The following GCNT2 variants were observed in gnomAD, a reference collection of about 807,000 sequenced individuals.
The protein encoded by GCNT2 is N-acetyllactosaminide beta-1,6-N-acetylglucosaminyl-transferase.
In GCNT2, 34 loss-of-function variants were observed where a neutral mutation model predicts 34.2. That is an observed-to-expected ratio of 1.00 (90% CI 0.76 to 1.32). The LOEUF (loss-of-function observed/expected upper bound fraction) is 1.32, where lower values mean the gene tolerates loss of function less well. GCNT2 is among the 40% of genes most tolerant of loss of function. The pLI is 0.00. For missense variants in GCNT2, 584 were observed against 489.4 expected (o/e 1.19, Z -1.82); for synonymous variants, 212 against 188.0 (o/e 1.13, Z -1.04).
intron 3 of GCNT2, among the ~76,000 whole-genome samples, chr6:10,593,466 T>G (rs1302498138): frequency 6.6e-6 from 1 of 152,184 alleles, no homozygotes; most frequent in African/African-American, 2.4e-5. Flanking sequence ...GGCTGCCAAG[T>G]AGCAAGGACT....
At chr6:10,599,517 A>G (rs1303159717) in intron 3 of GCNT2, among the ~76,000 whole-genome samples, 4 of 152,134 alleles carry the variant, frequency 2.6e-5, no homozygotes, top group Admixed American at 6.5e-5. Context: ...AGCGGAGGTA[A>G]GAGCAGGAGA....
At chr6:10,556,810 A>C in intron 3 of GCNT2, 1 of 1,614,216 alleles carries the variant, frequency 6.2e-7, no homozygotes, top group Non-Finnish European at 8.5e-7. Flanking sequence ...TGGATGAAAA[A>C]GCAACAACTG....
intron 1 of GCNT2, among the ~76,000 whole-genome samples, chr6:10,522,252 T>A (rs1460616206): frequency 1.3e-5 from 2 of 152,146 alleles, no homozygotes; most frequent in Non-Finnish European, 2.9e-5. Context: ...ATGAACCTCA[T>A]TTGATAATAG....
At chr6:10,622,251 C>T (rs947666038) in intron 4 of GCNT2, among the ~76,000 whole-genome samples, 8 of 152,142 alleles carry the variant, frequency 5.3e-5, no homozygotes, top group African/African-American at 1.9e-4. Flanking sequence ...ATATACTGGG[C>T]ATGAGTATTA....
Position 10,529,071 on chromosome 6 carries a change from G to C in GCNT2, c.160G>C (p.Glu54Gln), listed in dbSNP as rs1309424916. The change falls in exon 3 of 5, where the codon GAG becomes CAG. Residue 54 changes from glutamate to glutamine, a missense_variant. Physicochemically the swap from Glu to Gln is conservative, Grantham distance 29. Coordinates refer to ENST00000495262, the MANE Select transcript of GCNT2 (RefSeq NM_145649.5). ...LLAEACHQIF[E>Q]GKVFYPTENA... ...AGCAGAAGCCTGTCATCAGATTTTT[G>C]AGGGGAAAGTTTTTTACCCAACAGA... 6.2e-7 allele frequency: 1 copy of C among 1,614,108 alleles called. No homozygotes were observed. Among genetic ancestry groups the C allele is most frequent in the East Asian group, 2.2e-5 (1 of 44,886 alleles).
chr6:10,623,747 C>G (rs1477500371), intron 4 of GCNT2, among the ~76,000 whole-genome samples: 1 of 152,196 alleles, frequency 6.6e-6, no homozygotes, highest in African/African-American at 2.4e-5. Context: ...AGCTCCAAGA[C>G]AGCTAGGATT....
At chr6:10,531,497 A>G (rs1300777435) in intron 3 of GCNT2, among the ~76,000 whole-genome samples, 2 of 152,170 alleles carry the variant, frequency 1.3e-5, no homozygotes, top group East Asian at 1.9e-4. Context: ...AGACCTAACT[A>G]TTGATATTTG....
chr6:10,622,553 T>C (rs1479384734), intron 4 of GCNT2, among the ~76,000 whole-genome samples: 1 of 151,958 alleles, frequency 6.6e-6, no homozygotes. Flanking sequence ...CTGTCTCCAC[T>C]CTGAGACACT....
intron 3 of GCNT2, among the ~76,000 whole-genome samples, chr6:10,563,777 A>AAT (rs70991026): frequency 6.8e-3 from 167 of 24,714 alleles, no homozygotes; most frequent in East Asian, 0.011. Flanking sequence ...AAAAAAAAAA[A>AAT]ATATATATAT....
intron 3 of GCNT2, among the ~76,000 whole-genome samples, chr6:10,588,839 GGTGT>G (rs1399917722): frequency 7.0e-6 from 1 of 142,760 alleles, no homozygotes; most frequent in Non-Finnish European, 1.5e-5. Context: ...GTATGTGTGT[GGTGT>G]GTGTGTGGTG....
At chr6:10,585,427 G>A (rs1289807972) in intron 3 of GCNT2, among the ~76,000 whole-genome samples, 1 of 152,158 alleles carries the variant, frequency 6.6e-6, no homozygotes, top group Non-Finnish European at 1.5e-5. Flanking sequence ...CAGAGAACAG[G>A]AAGAGAAAGA....
intron 3 of GCNT2, among the ~76,000 whole-genome samples, chr6:10,579,255 G>T (rs1200415358): frequency 6.6e-6 from 1 of 151,926 alleles, no homozygotes; most frequent in African/African-American, 2.4e-5. Flanking sequence ...TATTATTTCT[G>T]TATTCTGTGC....
rs928770722 is a variant in GCNT2, at chr6:10,521,391, A to G, written c.-495A>G. On this transcript the variant is annotated 5_prime_UTR_variant, in exon 1 of 5. Transcript: ENST00000495262. ...GTTCACTGCTGGACGCCTCTGGGCA[A>G]TCTTACCCTCCTGGGAACTGAGAGA... 1.4e-4 allele frequency: 21 copies of G among 152,980 alleles called. No homozygotes were observed. The highest frequency in any genetic ancestry group is 5.1e-4 in the African/African-American group (21 of 41,386). 9.5% of individuals were successfully genotyped at this position (152,980 alleles called of 1,614,324 possible). A position where few individuals can be genotyped will look rare whatever the true frequency, so the allele number is the denominator to read the frequency against.
At chr6:10,565,468 G>A (rs1173739652) in intron 3 of GCNT2, among the ~76,000 whole-genome samples, 5 of 152,116 alleles carry the variant, frequency 3.3e-5, no homozygotes, top group African/African-American at 1.2e-4. Context: ...AATAATTCAC[G>A]ATTTTCCCAC....
intron 3 of GCNT2, among the ~76,000 whole-genome samples, chr6:10,593,633 A>G (rs1402132185): frequency 2.0e-5 from 3 of 152,212 alleles, no homozygotes; most frequent in African/African-American, 7.2e-5. Flanking sequence ...CATTGCACCT[A>G]GACAGTTGTC....
intron 3 of GCNT2, among the ~76,000 whole-genome samples, chr6:10,539,700 C>T (rs754637378): frequency 8.7e-4 from 132 of 152,186 alleles, no homozygotes; most frequent in Middle Eastern, 3.4e-3. Flanking sequence ...TTTAATGTTA[C>T]GATTCTAAAA....
At chr6:10,546,713 CTCAG>C (rs1762288615) in intron 3 of GCNT2, among the ~76,000 whole-genome samples, 1 of 152,096 alleles carries the variant, frequency 6.6e-6, no homozygotes, top group Non-Finnish European at 1.5e-5. Flanking sequence ...ATTTAAAGAT[CTCAG>C]TGAGTTTTCA....
intron 3 of GCNT2, among the ~76,000 whole-genome samples, chr6:10,584,614 G>A (rs1764261694): frequency 6.6e-6 from 1 of 152,172 alleles, no homozygotes; most frequent in Admixed American, 6.5e-5. Flanking sequence ...TCTTGGGCAG[G>A]GGTTCCTGCG....
At chr6:10,551,672 T>C (rs1762486346) in intron 3 of GCNT2, among the ~76,000 whole-genome samples, 1 of 152,108 alleles carries the variant, frequency 6.6e-6, no homozygotes, top group South Asian at 2.1e-4. Context: ...CTTGAACTCC[T>C]GACCTCGTGA....
Sources: gnomAD v4.1 joint callset for allele counts (sites outside exome capture counted in the v4.1 genomes callset) on GRCh38, gnomAD v4.1.1 for gene constraint, MANE v1.5 for transcripts, NCBI Gene and HGNC (gene_info 2026-07-23, HGNC 2026-07-21) for gene names.